FHL5: variants seen among roughly 807,000 people sequenced by gnomAD.
The protein encoded by FHL5 is four and a half LIM domains 5, also known as four and a half LIM domains protein 5.
In FHL5, 33 loss-of-function variants were observed where a neutral mutation model predicts 32.0. The ratio of observed to expected loss-of-function variants is 1.03; its 90% CI spans 0.78 to 1.38. The LOEUF (loss-of-function observed/expected upper bound fraction) is 1.38, where lower values mean the gene tolerates loss of function less well. FHL5 is among the 40% of genes most tolerant of loss of function. The pLI is 0.00. For missense variants in FHL5, 336 were observed against 343.9 expected (o/e 0.98, Z 0.18); for synonymous variants, 114 against 113.6 (o/e 1.00, Z -0.02).
intron 1 of FHL5, among the ~76,000 whole-genome samples, chr6:96,575,583 C>A (rs1047574402): frequency 6.6e-6 from 1 of 152,162 alleles, no homozygotes; most frequent in Non-Finnish European, 1.5e-5. Context: ...GTAAGGGAAA[C>A]AATGTGGCTC....
In FHL5 at chr6:96,597,501, T is replaced by C. The variant is rs1190614782; in HGVS notation, c.-12-6101T>C. On this transcript the variant is annotated intron_variant, in intron 1 of 5. Coordinates refer to ENST00000450218, the MANE Select transcript of FHL5 (RefSeq NM_001322466.2). ...CCTTCTATCACTGTTTCTAAATTAA[T>C]TCTCATAAGTCTCAGCTCAAAACAT... is the stretch of plus-strand genomic sequence containing the variant. 1.3e-5 allele frequency among the ~76,000 whole-genome samples: 2 copies of C among 152,312 alleles called. 1 individual carries two copies. Among genetic ancestry groups the C allele is most frequent in the Admixed American group, 1.3e-4 (2 of 15,296 alleles).
chr6:96,583,915 C>T lies in FHL5; in HGVS notation c.-12-19687C>T, dbSNP rs192818879. On this transcript the variant is annotated intron_variant, in intron 1 of 5. Transcript: ENST00000450218. ...TGCAAATTCTTAACTGTTTTATATTCAAGTTTTTATCCTTTATTCTATTCA... is the reference window on the plus strand; with the variant it reads ...TGCAAATTCTTAACTGTTTTATATTTAAGTTTTTATCCTTTATTCTATTCA... Among the ~76,000 whole-genome samples, 3 of 152,162 alleles carry T rather than the reference C, an allele frequency of 2.0e-5. No homozygotes were observed. In the East Asian group the frequency reaches 5.8e-4, roughly 29 times the overall value.
chr6:96,579,510 G>A (rs934628742), intron 1 of FHL5, among the ~76,000 whole-genome samples: 7 of 152,104 alleles, frequency 4.6e-5, no homozygotes, highest in African/African-American at 1.7e-4. Context: ...ACAACAGATA[G>A]TACATATTGC....
chr6:96,607,025 C>A (rs1292927893), intron 4 of FHL5, among the ~76,000 whole-genome samples: 2 of 151,754 alleles, frequency 1.3e-5, no homozygotes, highest in Non-Finnish European at 2.9e-5. Context: ...ACTTGGCTTC[C>A]CACTCAAAAA....
At chr6:96,597,483 T>C (rs537310308) in intron 1 of FHL5, among the ~76,000 whole-genome samples, 7 of 152,284 alleles carry the variant, frequency 4.6e-5, no homozygotes, top group African/African-American at 1.7e-4. Flanking sequence ...ATCCCTTCTA[T>C]CACTGTTTCT....
chr6:96,565,624 T>A (rs924607365), intron 1 of FHL5, among the ~76,000 whole-genome samples: 1 of 152,134 alleles, frequency 6.6e-6, no homozygotes, highest in African/African-American at 2.4e-5. Context: ...TTTGATATAT[T>A]CAGGTTGTCT....
At chr6:96,588,826 T>C (rs1293692970) in intron 1 of FHL5, among the ~76,000 whole-genome samples, 3 of 152,052 alleles carry the variant, frequency 2.0e-5, no homozygotes, top group Non-Finnish European at 4.4e-5. Context: ...TCATCTGTTA[T>C]ATTGTGGCTT....
At chr6:96,566,526 G>A (rs577182700) in intron 1 of FHL5, among the ~76,000 whole-genome samples, 10 of 152,072 alleles carry the variant, frequency 6.6e-5, no homozygotes, top group African/African-American at 2.4e-4. Flanking sequence ...CCAGTAGTGG[G>A]ATTGTTGGAT....
At chr6:96,586,726 C>A (rs1770806613) in intron 1 of FHL5, among the ~76,000 whole-genome samples, 1 of 152,056 alleles carries the variant, frequency 6.6e-6, no homozygotes, top group Non-Finnish European at 1.5e-5. Flanking sequence ...AGAGGACTGA[C>A]AATTGACAGC....
intron 1 of FHL5, among the ~76,000 whole-genome samples, chr6:96,565,253 GGTTTACATTCATT>G (rs1485426937): frequency 1.3e-5 from 2 of 152,016 alleles, no homozygotes; most frequent in African/African-American, 2.4e-5. Flanking sequence ...TCAACAGCAA[GGTTTACATTCATT>G]AAATAAATAA....
chr6:96,588,373 G>A (rs1450334124), intron 1 of FHL5, among the ~76,000 whole-genome samples: 1 of 152,102 alleles, frequency 6.6e-6, no homozygotes, highest in African/African-American at 2.4e-5. Context: ...ACCATGCCTG[G>A]CTAATTTTGT....
At chr6:96,565,076 G>T (rs894768610) in intron 1 of FHL5, among the ~76,000 whole-genome samples, 1 of 151,328 alleles carries the variant, frequency 6.6e-6, no homozygotes, top group Non-Finnish European at 1.5e-5. Context: ...GCAATATAGG[G>T]AGACTCTATT....
intron 1 of FHL5, among the ~76,000 whole-genome samples, chr6:96,585,840 G>A (rs1397619175): frequency 2.0e-5 from 3 of 152,114 alleles, no homozygotes; most frequent in African/African-American, 7.2e-5. Context: ...CCATAAGAAA[G>A]TAAAAGCCCT....
chr6:96,604,446 A>G (rs1490040405), intron 2 of FHL5, among the ~76,000 whole-genome samples: 2 of 152,074 alleles, frequency 1.3e-5, no homozygotes, highest in Non-Finnish European at 2.9e-5. Context: ...TTTAAAAATC[A>G]TTCCATGAAA....
At chr6:96,597,043 C>T (rs866467291) in intron 1 of FHL5, among the ~76,000 whole-genome samples, 2 of 152,048 alleles carry the variant, frequency 1.3e-5, no homozygotes, top group African/African-American at 4.8e-5. Context: ...AACATGAATA[C>T]CCCAAATGCT....
At chr6:96,567,552 T>C (rs1770383131) in intron 1 of FHL5, among the ~76,000 whole-genome samples, 1 of 151,884 alleles carries the variant, frequency 6.6e-6, no homozygotes, top group African/African-American at 2.4e-5. Context: ...TAACATTGCA[T>C]TGAATTGGTA....
At position 96,605,882 on chromosome 6, in the gene FHL5, G is replaced by C. The variant is rs747129744; in HGVS notation, c.335-20G>C. The C allele has an allele frequency of 5.0e-6, 8 of 1,609,060 alleles. No homozygotes were observed. Among genetic ancestry groups the C allele is most frequent in the Non-Finnish European group, 6.8e-6 (8 of 1,176,792 alleles). On this transcript the variant is annotated intron_variant, in intron 3 of 5. Transcript: ENST00000450218. Reference sequence around the variant, plus strand: ...ATTATGCTTGACTTATACTAACATGGCCTTACTTTTGGAGTACAGGTTCCC... The same window carrying C: ...ATTATGCTTGACTTATACTAACATGCCCTTACTTTTGGAGTACAGGTTCCC...
At chr6:96,572,501 G>T (rs1770500871) in intron 1 of FHL5, among the ~76,000 whole-genome samples, 1 of 152,058 alleles carries the variant, frequency 6.6e-6, no homozygotes. Flanking sequence ...TGGTTCAGGG[G>T]TGGTTTAGTC....
chr6:96,589,631 T>C lies in FHL5; in HGVS notation c.-12-13971T>C, dbSNP rs140042772. Reference sequence around the variant, plus strand: ...TTGCAATACATTCTTTGGCTCTCTCTTTACTCTTATTTGTGTTTTTTGAGA... The same window carrying C: ...TTGCAATACATTCTTTGGCTCTCTCCTTACTCTTATTTGTGTTTTTTGAGA... On this transcript the variant is annotated intron_variant, in intron 1 of 5. Coordinates refer to ENST00000450218, the MANE Select transcript of FHL5 (RefSeq NM_001322466.2). 5.3e-3 allele frequency among the ~76,000 whole-genome samples: 807 copies of C among 152,178 alleles called. 6 individuals are homozygous for C. The highest frequency in any genetic ancestry group is 0.019 in the African/African-American group (778 of 41,572).
Sources: allele counts gnomAD v4.1 joint callset (sites outside exome capture counted in the v4.1 genomes callset), GRCh38; gene constraint gnomAD v4.1.1; transcripts MANE v1.5; gene names NCBI Gene and HGNC (gene_info 2026-07-23, HGNC 2026-07-21).